ANO3: variants seen among roughly 807,000 people sequenced by gnomAD.
ANO3 encodes anoctamin-3.
A neutral mutation model predicts 144.8 loss-of-function variants in ANO3; 99 were observed. That is an observed-to-expected ratio of 0.68 (90% CI 0.58 to 0.81). The LOEUF is 0.81. Among genes scored for constraint, ANO3 ranks in the 30% least tolerant of loss-of-function variants. ANO3 has a pLI of 0.00. For synonymous variants in ANO3, 414 were observed against 392.6 expected, an observed-to-expected ratio of 1.05 and a Z score of -0.64; for missense variants, 905 against 1,202.2, an observed-to-expected ratio of 0.75 and a Z score of 3.66.
intron 1 of ANO3, among the ~76,000 whole-genome samples, chr11:26,438,464 C>T (rs954128130): frequency 8.6e-5 from 13 of 151,536 alleles, no homozygotes; most frequent in South Asian, 2.1e-4. Context: ...TCACAGCTGC[C>T]GGCCGGGTGC....
intron 4 of ANO3, among the ~76,000 whole-genome samples, chr11:26,487,211 G>A (rs1860486580): frequency 6.6e-6 from 1 of 152,186 alleles, no homozygotes; most frequent in Admixed American, 6.5e-5. Context: ...AATCATGGGG[G>A]CCAGTCTTTC....
intron 1 of ANO3, among the ~76,000 whole-genome samples, chr11:26,196,789 T>C (rs1851598131): frequency 1.3e-5 from 2 of 152,342 alleles, no homozygotes; most frequent in South Asian, 4.1e-4. Context: ...TTGGCAATTT[T>C]ATCACCAAAA....
intron 6 of ANO3, among the ~76,000 whole-genome samples, chr11:26,523,175 T>C (rs777200852): frequency 6.6e-6 from 1 of 152,122 alleles, no homozygotes; most frequent in Non-Finnish European, 1.5e-5. Context: ...ACTCACTCAC[T>C]ATCATGAGAA....
At chr11:26,370,284 T>A (rs1856212551) in intron 1 of ANO3, among the ~76,000 whole-genome samples, 1 of 152,196 alleles carries the variant, frequency 6.6e-6, no homozygotes, top group African/African-American at 2.4e-5. Flanking sequence ...CTCATTAATC[T>A]TTTTCCTGCT....
intron 1 of ANO3, among the ~76,000 whole-genome samples, chr11:26,391,059 A>C (rs1221341656): frequency 6.6e-6 from 1 of 152,132 alleles, no homozygotes; most frequent in African/African-American, 2.4e-5. Flanking sequence ...CAACTGTCTT[A>C]GTTCATTTTC....
intron 3 of ANO3, among the ~76,000 whole-genome samples, chr11:26,460,983 T>C (rs1859372962): frequency 6.6e-6 from 1 of 152,120 alleles, no homozygotes; most frequent in Non-Finnish European, 1.5e-5. Context: ...AGCCAGTGCC[T>C]GCTCCCCAAC....
intron 14 of ANO3, among the ~76,000 whole-genome samples, chr11:26,573,227 A>T (rs1314371052): frequency 6.6e-6 from 1 of 152,174 alleles, no homozygotes; most frequent in Non-Finnish European, 1.5e-5. Flanking sequence ...CTGCCCAGTT[A>T]ATTGGCCCGA....
At chr11:26,413,880 TTGAA>T (rs1857497754) in intron 1 of ANO3, among the ~76,000 whole-genome samples, 1 of 151,998 alleles carries the variant, frequency 6.6e-6, no homozygotes, top group South Asian at 2.1e-4. Flanking sequence ...CATAAAGAAA[TTGAA>T]TGAAGGTTAA....
intron 1 of ANO3, among the ~76,000 whole-genome samples, chr11:26,380,815 C>G (rs1251050115): frequency 6.6e-6 from 1 of 152,054 alleles, no homozygotes; most frequent in African/African-American, 2.4e-5. Flanking sequence ...AACCCCGTCT[C>G]TACTAAAAAT....
At chr11:26,458,074 G>A (rs905551731) in intron 3 of ANO3, among the ~76,000 whole-genome samples, 4 of 152,014 alleles carry the variant, frequency 2.6e-5, no homozygotes, top group African/African-American at 7.2e-5. Flanking sequence ...ATAATATTTG[G>A]TATTGTAATT....
In ANO3 at chr11:26,543,780, A is replaced by G. The variant is rs180965162; in HGVS notation, c.1154+1712A>G. Among the ~76,000 whole-genome samples the G allele has an allele frequency of 2.8e-3, 423 of 152,238 alleles. 3 individuals are homozygous for G. The highest frequency in any genetic ancestry group is 0.01 in the Middle Eastern group (3 of 294). The stretch of plus-strand genomic sequence containing the variant: ...AGCTTCATCCATGTCACTACAAAGG[A>G]CATGAACTCATCCTTTTTTATGGCT... On this transcript the variant is annotated intron_variant, in intron 11 of 26. Coordinates refer to ENST00000256737, the MANE Select transcript of ANO3 (RefSeq NM_031418.4).
At position 26,644,676 on chromosome 11, in the gene ANO3, T is replaced by A. The variant is rs1327110910; in HGVS notation, c.2428+1342T>A. Reference sequence around the variant, plus strand: ...CTGAAGAGGAAAAAATTTGTTGTTCTATTTACTAGCATTTTTCTAACCGTG... The same window carrying A: ...CTGAAGAGGAAAAAATTTGTTGTTCAATTTACTAGCATTTTTCTAACCGTG... On this transcript the variant is annotated intron_variant, in intron 23 of 26. Transcript: ENST00000256737. Among the ~76,000 whole-genome samples the A allele has an allele frequency of 1.1e-3, 161 of 152,180 alleles. 2 individuals are homozygous for A. The highest frequency in any genetic ancestry group is 8.8e-5 in the Non-Finnish European group (6 of 68,018).
intron 1 of ANO3, among the ~76,000 whole-genome samples, chr11:26,428,457 A>T (rs968565757): frequency 6.6e-6 from 1 of 152,252 alleles, no homozygotes; most frequent in Non-Finnish European, 1.5e-5. Flanking sequence ...CAGATTTCTC[A>T]ATAGCAAAGT....
At chr11:26,390,271 TTAAGCTC>T (rs1401828677) in intron 1 of ANO3, among the ~76,000 whole-genome samples, 1 of 152,142 alleles carries the variant, frequency 6.6e-6, no homozygotes, top group Non-Finnish European at 1.5e-5. Context: ...TGGATAGATA[TTAAGCTC>T]TAAGTAATTG....
chr11:26,348,086 C>G (rs894056939), intron 1 of ANO3, among the ~76,000 whole-genome samples: 3 of 152,208 alleles, frequency 2.0e-5, no homozygotes, highest in African/African-American at 7.2e-5. Context: ...TTTCTTCTAA[C>G]ATATGGCTTA....
intron 14 of ANO3, among the ~76,000 whole-genome samples, chr11:26,598,122 C>G (rs1851691563): frequency 6.6e-6 from 1 of 152,130 alleles, no homozygotes; most frequent in Non-Finnish European, 1.5e-5. Context: ...ATGAGCTGTG[C>G]TGACAAAAAG....
chr11:26,547,499 G>C lies in ANO3; in HGVS notation c.1238G>C (p.Gly413Ala). 1 of 1,612,076 alleles carries C rather than the reference G, an allele frequency of 6.2e-7. No homozygotes were observed. Among genetic ancestry groups the C allele is most frequent in the Non-Finnish European group, 8.5e-7 (1 of 1,178,596 alleles). ...TGMLIPAAIV[G>A]LCVFFYGLFT... ...ATGTTGATTCCTGCAGCAATTGTTG[G>C]TTTGTGCGTTTTCTTCTATGGATTA... Residue 413 changes from glycine (G) to alanine (A), a missense_variant, in exon 12 of 27, where the codon GGT becomes GCT. By Grantham distance (60) the Gly-to-Ala change is moderately conservative (BLOSUM62 0). Around this residue, in one of 4 missense-constraint regions of ANO3, gnomAD observed 597 missense variants for 865.1 expected, o/e 0.69. Coordinates refer to ENST00000256737, the MANE Select transcript of ANO3 (RefSeq NM_031418.4).
intron 18 of ANO3, among the ~76,000 whole-genome samples, chr11:26,631,837 A>G (rs549705591): frequency 1.3e-5 from 2 of 152,152 alleles, no homozygotes; most frequent in Non-Finnish European, 2.9e-5. Context: ...ATAGCAAAAA[A>G]ATGATAGAAA....
At chr11:26,229,638 C>G (rs1852346076) in intron 1 of ANO3, among the ~76,000 whole-genome samples, 1 of 152,060 alleles carries the variant, frequency 6.6e-6, no homozygotes, top group East Asian at 1.9e-4. Context: ...CAACTCTTGC[C>G]TTTTTTTCTT....
Sources: gnomAD v4.1 joint callset for allele counts (sites outside exome capture counted in the v4.1 genomes callset) on GRCh38, gnomAD v4.1.1 for gene constraint, gnomAD v4.1.1 regional missense constraint, MANE v1.5 for transcripts, NCBI Gene and HGNC (gene_info 2026-07-23, HGNC 2026-07-21) for gene names.